Variants in NUP214 observed in about 807,000 individuals in gnomAD.
NUP214 encodes the protein nucleoporin 214, also known as nuclear pore complex protein Nup214.
NUP214 carries 79 observed loss-of-function variants against 196.2 expected under a neutral mutation model. The ratio of observed to expected loss-of-function variants is 0.40; its 90% CI spans 0.34 to 0.49. The LOEUF is 0.49. Among genes scored for constraint, NUP214 ranks in the 20% least tolerant of loss-of-function variants. The pLI is 0.58. For synonymous variants in NUP214, 1,020 were observed against 990.5 expected (o/e 1.03, Z -0.56); for missense variants, 2,468 against 2,539.0 (o/e 0.97, Z 0.60).
At chr9:131,178,244 A>T in intron 23 of NUP214, 67 bp from the exon 24 acceptor site, 1 of 1,263,210 alleles carries the variant, frequency 7.9e-7, no homozygotes. Flanking sequence ...TTTCATTTAT[A>T]TGTGGCTAGA....
chr9:131,171,154 T>C (rs748183417), intron 21 of NUP214, among the ~76,000 whole-genome samples: 31 of 152,216 alleles, frequency 2.0e-4, no homozygotes, highest in Admixed American at 7.9e-4. Context: ...GGCAGCACCA[T>C]TGGCATAGTG....
chr9:131,194,626 C>T (rs556137778), intron 27 of NUP214, among the ~76,000 whole-genome samples: 5 of 152,094 alleles, frequency 3.3e-5, no homozygotes, highest in Non-Finnish European at 7.4e-5. Context: ...GTAAAGAAAA[C>T]GTACAAAAGG....
chr9:131,130,156 T>TTTTTTTTTTTTA, intron 4 of NUP214, among the ~76,000 whole-genome samples: 1 of 129,474 alleles, frequency 7.7e-6, no homozygotes, highest in African/African-American at 2.9e-5. Flanking sequence ...TTTTTGTTTT[T>TTTTTTTTTTTTA]TTTTTGAGAC....
chr9:131,226,437 C>T (rs987008805), intron 32 of NUP214, among the ~76,000 whole-genome samples: 2 of 151,604 alleles, frequency 1.3e-5, no homozygotes, highest in African/African-American at 4.9e-5. Context: ...TATATTTAAC[C>T]GCCACCCCTC....
At position 131,215,196 on chromosome 9, in the gene NUP214, C is replaced by A. The variant is rs778265710; in HGVS notation, c.5593-16C>A. On this transcript the variant is annotated splice_polypyrimidine_tract_variant and intron_variant, in intron 30 of 35. Coordinates refer to ENST00000359428, the MANE Select transcript of NUP214 (RefSeq NM_005085.4). ...CCTCTCATCCTATCTTGCTTCCTGA[C>A]CCTTTTGTTTTTTAGCAATCATCCT... 4 of 1,506,322 alleles carry A rather than the reference C, an allele frequency of 2.7e-6. No individual in the cohort carries two copies. In the South Asian group the frequency reaches 5.3e-5, roughly 20 times the overall value. 93.3% of individuals were successfully genotyped at this position (1,506,322 alleles called of 1,614,324 possible).
intron 4 of NUP214, among the ~76,000 whole-genome samples, chr9:131,130,303 C>G (rs1013969967): frequency 1.3e-5 from 2 of 151,652 alleles, no homozygotes; most frequent in African/African-American, 4.8e-5. Flanking sequence ...GCCACCATGC[C>G]CAGCTAATTT....
At chr9:131,186,155 G>A (rs1833445065) in intron 24 of NUP214, among the ~76,000 whole-genome samples, 1 of 152,162 alleles carries the variant, frequency 6.6e-6, no homozygotes, top group South Asian at 2.1e-4. Flanking sequence ...GGAGGTGACG[G>A]GGGAACACTG....
At chr9:131,192,941 CAAAAAAAAAAA>C (rs34653431) in intron 27 of NUP214, among the ~76,000 whole-genome samples, 17 of 31,036 alleles carry the variant, frequency 5.5e-4, no homozygotes, top group Admixed American at 2.7e-3. Context: ...ACCCCGTCTC[CAAAAAAAAAAA>C]AAAAAAAAAA....
intron 8 of NUP214, 155 bp downstream of exon 8, chr9:131,135,159 A>G (rs1427787705): frequency 3.2e-5 from 18 of 555,078 alleles, no homozygotes; most frequent in African/African-American, 5.8e-5. Flanking sequence ...GCACGATTGT[A>G]GCTCACAGAA....
chr9:131,200,119 G>T (rs1054800311), intron 29 of NUP214, among the ~76,000 whole-genome samples: 1 of 152,200 alleles, frequency 6.6e-6, no homozygotes, highest in Non-Finnish European at 1.5e-5. Flanking sequence ...AACCTGAGAA[G>T]ACCTCATGCA....
chr9:131,144,461 T>A lies in NUP214; in HGVS notation c.1476T>A (p.Ser492=). The change falls in exon 12 of 36, where the codon TCT becomes TCA. Residue 492 remains serine, a synonymous_variant. Transcript: ENST00000359428. ...TTGGTTCTTCATCTTTGAAGTCATC[T>A]GCTACGGTCACTGGGGAGCCCCCTT... ...FSFGSSSLKS[S]ATVTGEPPSY... is the part of the protein sequence containing the mutation. 1 of 1,614,230 alleles carries A rather than the reference T, an allele frequency of 6.2e-7. No individual in the cohort carries two copies. Among genetic ancestry groups the A allele is most frequent in the Non-Finnish European group, 8.5e-7 (1 of 1,180,040 alleles).
intron 17 of NUP214, among the ~76,000 whole-genome samples, chr9:131,156,914 G>A (rs1172971838): frequency 1.3e-5 from 2 of 152,046 alleles, no homozygotes; most frequent in Non-Finnish European, 2.9e-5. Context: ...TTTTCCTAGT[G>A]TATAGCACAT....
intron 31 of NUP214, among the ~76,000 whole-genome samples, chr9:131,218,273 G>A (rs1367874795): frequency 1.3e-5 from 2 of 152,154 alleles, no homozygotes; most frequent in Non-Finnish European, 2.9e-5. Context: ...TAGTGAAAGG[G>A]ACAGGAATTG....
At chr9:131,195,324 C>T (rs1833742784) in intron 28 of NUP214, 30 bp downstream of exon 28, 1 of 1,564,528 alleles carries the variant, frequency 6.4e-7, no homozygotes, top group African/African-American at 1.4e-5. Context: ...TAGCATTACT[C>T]ATGTGTTTTC....
intron 17 of NUP214, among the ~76,000 whole-genome samples, chr9:131,152,778 G>GA (rs1211194724): frequency 5.0e-4 from 76 of 151,662 alleles, no homozygotes; most frequent in African/African-American, 1.8e-3. Flanking sequence ...CTTTTCTCTT[G>GA]AAAAAAAATT....
chr9:131,134,139 T>G (rs1564178251), intron 7 of NUP214, among the ~76,000 whole-genome samples: 1 of 152,056 alleles, frequency 6.6e-6, no homozygotes, highest in Non-Finnish European at 1.5e-5. Context: ...AGAGGTAGGG[T>G]CTTGCTTTGT....
chr9:131,201,478 T>C (rs1833936460), intron 29 of NUP214, among the ~76,000 whole-genome samples, 169 bp from the exon 30 acceptor site: 1 of 151,418 alleles, frequency 6.6e-6, no homozygotes, highest in Non-Finnish European at 1.5e-5. Context: ...GGCAGGAGAA[T>C]CGCTTGAACC....
At chr9:131,228,435 C>T in intron 33 of NUP214, 104 bp downstream of exon 33, 3 of 1,145,702 alleles carry the variant, frequency 2.6e-6, no homozygotes, top group Non-Finnish European at 2.4e-6. Flanking sequence ...AGGTGAAGGC[C>T]CCTCCCTTGA....
intron 17 of NUP214, chr9:131,153,281 C>CA (rs1243775628): frequency 1.3e-5 from 2 of 152,020 alleles, no homozygotes; most frequent in East Asian, 3.9e-4. Flanking sequence ...ATTCTTGCCT[C>CA]AGAGAATTTG....
Sources: gnomAD v4.1 joint callset for allele counts (sites outside exome capture counted in the v4.1 genomes callset) on GRCh38, gnomAD v4.1.1 for gene constraint, MANE v1.5 for transcripts, NCBI Gene and HGNC (gene_info 2026-07-23, HGNC 2026-07-21) for gene names.